The following GLRX3 variants were observed in gnomAD, a reference collection of about 807,000 sequenced individuals.
The protein encoded by GLRX3 is glutaredoxin-3.
In GLRX3, 22 loss-of-function variants were observed where a neutral mutation model predicts 49.5. The ratio of observed to expected loss-of-function variants is 0.44; its 90% CI spans 0.32 to 0.63. GLRX3 has a LOEUF of 0.63. Ranked by LOEUF, GLRX3 falls within the 30% of genes least tolerant of loss-of-function variation. The pLI is 0.05. For synonymous variants in GLRX3, 133 were observed against 140.0 expected (o/e 0.95, Z 0.35); for missense variants, 385 against 396.3 (o/e 0.97, Z 0.24).
At chr10:130,178,435 T>A (rs1298351798) in intron 10 of GLRX3, among the ~76,000 whole-genome samples, 1 of 151,482 alleles carries the variant, frequency 6.6e-6, no homozygotes, top group Non-Finnish European at 1.5e-5. Flanking sequence ...ATTTTTTTTT[T>A]AATAGAGATG....
rs142368276 is a variant in GLRX3, at chr10:130,152,306, A to G, written c.201+6987A>G. 9.0e-4 allele frequency among the ~76,000 whole-genome samples: 137 copies of G among 152,304 alleles called. 3 individuals are homozygous for G. In the South Asian group the frequency reaches 0.025, roughly 28 times the overall value. Reference sequence around the variant, plus strand: ...AGTGCTGGAATTACAGGCATGAACCACTACACCCAGTCTGTTACATGTGAA... The same window carrying G: ...AGTGCTGGAATTACAGGCATGAACCGCTACACCCAGTCTGTTACATGTGAA... On this transcript the variant is annotated intron_variant, in intron 2 of 10. Coordinates refer to ENST00000331244, the MANE Select transcript of GLRX3 (RefSeq NM_006541.5).
At chr10:130,162,848 C>G (rs1026346747) in intron 4 of GLRX3, among the ~76,000 whole-genome samples, 7 of 152,198 alleles carry the variant, frequency 4.6e-5, no homozygotes, top group Non-Finnish European at 8.8e-5. Flanking sequence ...AGTCAGGTAC[C>G]CTCCTTGTGC....
chr10:130,160,941 C>T lies in GLRX3; in HGVS notation c.422C>T (p.Thr141Ile), dbSNP rs1862565368. The T allele has an allele frequency of 6.2e-7, 1 of 1,613,866 alleles. No individual in the cohort carries two copies. Among genetic ancestry groups the T allele is most frequent in the African/African-American group, 1.3e-5 (1 of 75,046 alleles). The change falls in exon 4 of 11, where the codon ACT becomes ATT. Residue 141 changes from threonine (T) to isoleucine (I), a missense_variant. Thr to Ile is a moderately conservative substitution (Grantham distance 89). Around this residue, in one of 2 missense-constraint regions of GLRX3, gnomAD observed 374 missense variants for 358.6 expected, o/e 1.04. Coordinates refer to ENST00000331244, the MANE Select transcript of GLRX3 (RefSeq NM_006541.5). ...EDLNLRLKKLTHAAPCMLFMK... is the reference protein window; with the variant it reads ...EDLNLRLKKLIHAAPCMLFMK... ...CTCAACCTTCGCTTGAAGAAATTGA[C>T]TCATGCTGCCCCCTGCATGCTGTTT... is the stretch of plus-strand genomic sequence containing the variant.
intron 2 of GLRX3, among the ~76,000 whole-genome samples, chr10:130,147,690 C>A (rs1184542991): frequency 6.6e-6 from 1 of 152,182 alleles, no homozygotes; most frequent in African/African-American, 2.4e-5. Flanking sequence ...AAGGCACTTG[C>A]CGGACAATAG....
intron 3 of GLRX3, 45 bp downstream of exon 3, chr10:130,160,114 C>CCCATGGCACCCTACAA: frequency 8.9e-7 from 1 of 1,124,926 alleles, no homozygotes; most frequent in Non-Finnish European, 1.4e-6. Flanking sequence ...TGTAGGGTGC[C>CCCATGGCACCCTACAA]ATGGGGCTAC....
intron 2 of GLRX3, among the ~76,000 whole-genome samples, chr10:130,147,066 C>G (rs1017613754): frequency 2.6e-5 from 4 of 152,104 alleles, no homozygotes; most frequent in Non-Finnish European, 5.9e-5. Context: ...TTTCTTTATG[C>G]AAATAGGGCA....
At chr10:130,164,200 G>C (rs946847952) in intron 4 of GLRX3, among the ~76,000 whole-genome samples, 7 of 152,082 alleles carry the variant, frequency 4.6e-5, no homozygotes, top group African/African-American at 1.7e-4. Context: ...TAGGGTCTCA[G>C]TTGAAAAGAA....
At chr10:130,156,249 C>T (rs1331715411) in intron 2 of GLRX3, among the ~76,000 whole-genome samples, 6 of 152,170 alleles carry the variant, frequency 3.9e-5, no homozygotes, top group African/African-American at 1.4e-4. Flanking sequence ...GTTGCCGTGT[C>T]CTCACTTGGC....
At chr10:130,141,810 C>G (rs1410635660) in intron 1 of GLRX3, among the ~76,000 whole-genome samples, 22 of 152,128 alleles carry the variant, frequency 1.4e-4, no homozygotes, top group African/African-American at 4.1e-4. Flanking sequence ...TCTTGCCATC[C>G]TTAGGCAATG....
At chr10:130,137,796 G>A (rs1862090844) in intron 1 of GLRX3, among the ~76,000 whole-genome samples, 3 of 152,168 alleles carry the variant, frequency 2.0e-5, no homozygotes, top group Non-Finnish European at 4.4e-5. Context: ...GTGTAGTGGA[G>A]CGATCACGGC....
At chr10:130,163,898 T>G (rs543871872) in intron 4 of GLRX3, among the ~76,000 whole-genome samples, 4 of 152,324 alleles carry the variant, frequency 2.6e-5, no homozygotes, top group African/African-American at 9.6e-5. Context: ...TGCACCAAAT[T>G]AGCTTTGAAA....
At chr10:130,153,789 T>C (rs1257861559) in intron 2 of GLRX3, among the ~76,000 whole-genome samples, 1 of 152,168 alleles carries the variant, frequency 6.6e-6, no homozygotes, top group Non-Finnish European at 1.5e-5. Flanking sequence ...TTGTCTGTTA[T>C]CGGATCTTGA....
chr10:130,139,655 CCAAAA>C (rs953046940), intron 1 of GLRX3, among the ~76,000 whole-genome samples: 23 of 105,008 alleles, frequency 2.2e-4, no homozygotes, highest in African/African-American at 7.8e-4. Context: ...AAAAAAAAAA[CCAAAA>C]AAAGAATATC....
intron 7 of GLRX3, 80 bp from the exon 8 acceptor site, chr10:130,171,504 G>T (rs1415646993): frequency 2.2e-5 from 18 of 828,552 alleles, no homozygotes; most frequent in Non-Finnish European, 2.1e-5. Context: ...GTGCTGTGCT[G>T]GTTGACAAGA....
At chr10:130,137,760 G>A (rs559104703) in intron 1 of GLRX3, among the ~76,000 whole-genome samples, 9 of 152,232 alleles carry the variant, frequency 5.9e-5, no homozygotes, top group African/African-American at 2.2e-4. Context: ...TTTGAGACAG[G>A]GTCTGGCTCT....
intron 2 of GLRX3, among the ~76,000 whole-genome samples, chr10:130,158,345 C>A (rs555800802): frequency 6.6e-6 from 1 of 152,050 alleles, no homozygotes; most frequent in Non-Finnish European, 1.5e-5. Flanking sequence ...CCCGAGTAGC[C>A]GGGATTACAG....
At chr10:130,164,820 G>A (rs1862650728) in intron 4 of GLRX3, among the ~76,000 whole-genome samples, 2 of 152,166 alleles carry the variant, frequency 1.3e-5, no homozygotes, top group Admixed American at 1.3e-4. Flanking sequence ...GCCAGTTACA[G>A]TAAAAATGAG....
At chr10:130,152,319 T>C (rs898773214) in intron 2 of GLRX3, among the ~76,000 whole-genome samples, 2 of 152,164 alleles carry the variant, frequency 1.3e-5, no homozygotes, top group Non-Finnish European at 2.9e-5. Context: ...ACACCCAGTC[T>C]GTTACATGTG....
chr10:130,159,455 T>G (rs1374586958), intron 2 of GLRX3, among the ~76,000 whole-genome samples: 3 of 152,222 alleles, frequency 2.0e-5, no homozygotes, highest in African/African-American at 7.2e-5. Context: ...ATCTGCCTAG[T>G]GTCCAGCAGC....
Sources: allele counts gnomAD v4.1 joint callset (sites outside exome capture counted in the v4.1 genomes callset), GRCh38; gene constraint gnomAD v4.1.1; regional missense constraint gnomAD v4.1.1; transcripts MANE v1.5; gene names NCBI Gene and HGNC (gene_info 2026-07-23, HGNC 2026-07-21).